The following RAI2 variants were observed in gnomAD, a reference collection of about 807,000 sequenced individuals.
RAI2 encodes retinoic acid-induced protein 2.
A neutral mutation model predicts 15.3 loss-of-function variants in RAI2; 5 were observed. That is an observed-to-expected ratio of 0.33 (90% CI 0.17 to 0.69). RAI2 has a LOEUF of 0.69. RAI2 is among the 30% of genes least tolerant of loss of function. The pLI is 0.69. For missense variants in RAI2, 424 were observed against 424.7 expected (o/e 1.00, Z 0.01); for synonymous variants, 191 against 184.0 (o/e 1.04, Z -0.31).
chrX:17,842,398 C>T (rs928511000), intron 1 of RAI2, among the ~76,000 whole-genome samples: 1 of 111,328 alleles, frequency 9.0e-6, no homozygotes, highest in Non-Finnish European at 1.9e-5. Context: ...TTCATTGATT[C>T]AACATTTATA....
chrX:17,847,294 C>A (rs2067475365), intron 1 of RAI2, among the ~76,000 whole-genome samples: 1 of 112,067 alleles, frequency 8.9e-6, no homozygotes, highest in African/African-American at 3.2e-5. Context: ...GTTACTGCAA[C>A]AGGGCCTTTT....
At chrX:17,839,487 G>A (rs908288344) in intron 1 of RAI2, among the ~76,000 whole-genome samples, 3 of 112,236 alleles carry the variant, frequency 2.7e-5, no homozygotes, top group African/African-American at 9.7e-5. Flanking sequence ...TCTTTGCCAT[G>A]GACTGCCATA....
At chrX:17,853,732 G>C (rs895144206) in intron 1 of RAI2, among the ~76,000 whole-genome samples, 4 of 110,867 alleles carry the variant, frequency 3.6e-5, no homozygotes, top group Non-Finnish European at 7.6e-5. Context: ...TTACATATAT[G>C]TTGACTAACA....
rs1173442620 is a variant in RAI2 at position 17,801,362 on chromosome X, A to G, written c.649T>C (p.Phe217Leu). ...ACCAGGGGGGACAAGGGGGAGCTAA[A>G]AGGCTGTGGGGGCACAGGGGCATAG... Reference protein sequence around the residue: ...PGYAPVPPQPFSSPLSPLVPP... With the variant: ...PGYAPVPPQPLSSPLSPLVPP... The change falls in exon 2 of 2, where the codon TTT becomes CTT. Residue 217 changes from phenylalanine to leucine, a missense_variant. Coordinates refer to ENST00000451717, the MANE Select transcript of RAI2 (RefSeq NM_021785.6). 6 of 1,147,312 alleles carry G rather than the reference A, an allele frequency of 5.2e-6. No homozygotes were observed. Among genetic ancestry groups the G allele is most frequent in the Non-Finnish European group, 7.0e-6 (6 of 862,868 alleles). The allele number at this position is 1,147,312 out of a possible 1,213,427, so 94.6% of individuals were successfully genotyped here.
intron 1 of RAI2, among the ~76,000 whole-genome samples, chrX:17,833,676 G>A (rs1318778371): frequency 8.9e-6 from 1 of 112,118 alleles, no homozygotes; most frequent in Non-Finnish European, 1.9e-5. Context: ...CTTGATTTGG[G>A]TGGTGGTTAT....
intron 1 of RAI2, among the ~76,000 whole-genome samples, chrX:17,802,978 G>A (rs980792372): frequency 4.5e-5 from 5 of 111,543 alleles, no homozygotes; most frequent in African/African-American, 1.6e-4. Context: ...ATTTGGCCTC[G>A]TTACCATGGA....
At chrX:17,860,522 G>T (rs914172940) in intron 1 of RAI2, 1 of 113,046 alleles carries the variant, frequency 8.8e-6, no homozygotes, top group Non-Finnish European at 1.9e-5. Context: ...GCTCCGGGGG[G>T]GATGCGGGGC....
At position 17,800,944 on chromosome X, in the gene RAI2, G is replaced by T. The variant is rs1404652713; in HGVS notation, c.1067C>A (p.Pro356His). Residue 356 changes from proline (P) to histidine (H), a missense_variant, in exon 2 of 2, where the codon CCC becomes CAC. Coordinates refer to ENST00000451717, the MANE Select transcript of RAI2 (RefSeq NM_021785.6). ...ACCACTGTCATACAGTGTCTCAGGGGGAGGCTCGGATTTCCGGTGGGCTGC... is the reference window on the plus strand; with the variant it reads ...ACCACTGTCATACAGTGTCTCAGGGTGAGGCTCGGATTTCCGGTGGGCTGC... ...SVAAHRKSEPPPETLYDSGAS... is the reference protein window; with the variant it reads ...SVAAHRKSEPHPETLYDSGAS... 1 of 1,211,059 alleles carries T rather than the reference G, an allele frequency of 8.3e-7. No individual in the cohort carries two copies. Among genetic ancestry groups the T allele is most frequent in the Non-Finnish European group, 1.1e-6 (1 of 895,041 alleles).
At chrX:17,819,848 T>C (rs946159836) in intron 1 of RAI2, among the ~76,000 whole-genome samples, 2 of 112,429 alleles carry the variant, frequency 1.8e-5, no homozygotes, top group African/African-American at 6.5e-5. Context: ...GAAAGGAGCC[T>C]GAAGGGCCTT....
intron 1 of RAI2, among the ~76,000 whole-genome samples, chrX:17,853,977 A>G (rs887928532): frequency 1.1e-4 from 12 of 112,346 alleles, no homozygotes; most frequent in Admixed American, 1.9e-4. Flanking sequence ...AGTTTTAAAA[A>G]AACTAAAACA....
At chrX:17,809,244 T>G in intron 1 of RAI2, among the ~76,000 whole-genome samples, 1 of 112,429 alleles carries the variant, frequency 8.9e-6, no homozygotes, top group African/African-American at 3.2e-5. Flanking sequence ...CCTGACACGC[T>G]AATTCATTTA....
In RAI2 at chrX:17,800,084, C is replaced by T; in HGVS notation, c.*334G>A. 1 of 183,270 alleles carries T rather than the reference C, an allele frequency of 5.5e-6. No homozygotes were observed. Among genetic ancestry groups the T allele is most frequent in the East Asian group, 1.1e-4 (1 of 9,013 alleles). 15.1% of individuals were successfully genotyped at this position (183,270 alleles called of 1,213,427 possible). A position where few individuals can be genotyped will look rare whatever the true frequency, so the allele number is the denominator to read the frequency against. ...CAAACATTTATTGTGAAATATTCAT[C>T]CTACCCTTTATTAGGTATTACATCA... On this transcript the variant is annotated 3_prime_UTR_variant, in exon 2 of 2. Coordinates refer to ENST00000451717, the MANE Select transcript of RAI2 (RefSeq NM_021785.6).
In RAI2 at chrX:17,801,312, C is replaced by T. The variant is rs147393133; in HGVS notation, c.699G>A (p.Pro233=). ...CAGGCAAGGGGACGATTACAGGATACGGCACCAAGAGGGTGGCTGGTGGGA... is the reference window on the plus strand; with the variant it reads ...CAGGCAAGGGGACGATTACAGGATATGGCACCAAGAGGGTGGCTGGTGGGA... ...PLVPPATLLV[P]YPVIVPLPVP... is the part of the protein sequence containing the mutation. The change falls in exon 2 of 2, where the codon CCG becomes CCA. Residue 233 remains proline (P), a synonymous_variant. Transcript: ENST00000451717. 8.3e-4 allele frequency: 965 copies of T among 1,167,208 alleles called. 4 individuals carry two copies. The highest frequency in any genetic ancestry group is 8.2e-4 in the Non-Finnish European group (719 of 874,521).
In RAI2 at chrX:17,860,263, G is replaced by GAACAAT. The variant is rs766004152; in HGVS notation, c.-25+829_-25+834dup. On this transcript the variant is annotated intron_variant, in intron 1 of 1. Transcript: ENST00000451717. Reference sequence around the variant, plus strand: ...TCCCCACCCAGGCGGAGCTTATCCTGAACAATAGTCGGGCTTTAAATGGCA... The same window carrying GAACAAT: ...TCCCCACCCAGGCGGAGCTTATCCTGAACAATAACAATAGTCGGGCTTTAAATGGCA... Among the ~76,000 whole-genome samples the GAACAAT allele has an allele frequency of 2.4e-4, 27 of 112,613 alleles. No homozygotes were observed. In the South Asian group the frequency reaches 9.6e-3, roughly 40 times the overall value.
chrX:17,832,226 T>G (rs1322709965), intron 1 of RAI2, among the ~76,000 whole-genome samples: 1 of 112,153 alleles, frequency 8.9e-6, no homozygotes, highest in Non-Finnish European at 1.9e-5. Flanking sequence ...TGTCCTGGTT[T>G]GCCCAGGACT....
intron 1 of RAI2, chrX:17,837,709 T>G (rs1038517532): frequency 8.9e-6 from 1 of 112,585 alleles, no homozygotes; most frequent in East Asian, 2.8e-4. Flanking sequence ...GCAAGTTGAC[T>G]GCTTCATTCT....
intron 1 of RAI2, among the ~76,000 whole-genome samples, chrX:17,860,063 G>A (rs2067667815): frequency 8.9e-6 from 1 of 111,861 alleles, no homozygotes; most frequent in South Asian, 3.7e-4. Context: ...GAGTGCCATG[G>A]TGTGGGTAAC....
rs765896214 is a variant in RAI2 at position 17,801,462 on chromosome X, T to C, written c.549A>G (p.Pro183=). The change falls in exon 2 of 2, where the codon CCA becomes CCG. Residue 183 remains proline, a synonymous_variant. Coordinates refer to ENST00000451717, the MANE Select transcript of RAI2 (RefSeq NM_021785.6). Reference sequence around the variant, plus strand: ...ACAAATTCTGGAGCACAGCTTCAAATGGCAAAGTGGGCTCCTGCGGCTGGC... The same window carrying C: ...ACAAATTCTGGAGCACAGCTTCAAACGGCAAAGTGGGCTCCTGCGGCTGGC... The part of the protein sequence containing the change: ...IPSQPQEPTL[P]FEAVLQNLFP... The C allele has an allele frequency of 2.7e-5, 32 of 1,164,751 alleles. No individual in the cohort carries two copies. The highest frequency in any genetic ancestry group is 1.6e-4 in the South Asian group (8 of 49,358).
intron 1 of RAI2, among the ~76,000 whole-genome samples, chrX:17,853,049 AGGGGCTG>A (rs1381432831): frequency 1.2e-5 from 1 of 83,432 alleles, no homozygotes; most frequent in Non-Finnish European, 2.3e-5. Context: ...GACAGTGGGG[AGGGGCTG>A]GGGGTGGGGG....
Sources: allele counts gnomAD v4.1 joint callset (sites outside exome capture counted in the v4.1 genomes callset), GRCh38; gene constraint gnomAD v4.1.1; transcripts MANE v1.5; gene names NCBI Gene and HGNC (gene_info 2026-07-23, HGNC 2026-07-21).